The following KLF12 variants were observed in gnomAD, a reference collection of about 807,000 sequenced individuals.
KLF12 encodes the protein Krueppel-like factor 12.
In KLF12, 9 loss-of-function variants were observed where a neutral mutation model predicts 37.8. The ratio of observed to expected loss-of-function variants is 0.24; its 90% CI spans 0.14 to 0.42. The LOEUF (loss-of-function observed/expected upper bound fraction) is 0.42, where lower values mean the gene tolerates loss of function less well. Among genes scored for constraint, KLF12 ranks in the 10% least tolerant of loss-of-function variants. The pLI, the probability that KLF12 is intolerant of heterozygous loss-of-function variation, is 1.00. For missense variants in KLF12, 411 were observed against 516.0 expected (o/e 0.80, Z 1.97); for synonymous variants, 208 against 202.1 (o/e 1.03, Z -0.25).
At chr13:73,932,524 G>C (rs908692009) in intron 3 of KLF12, among the ~76,000 whole-genome samples, 5 of 152,012 alleles carry the variant, frequency 3.3e-5, no homozygotes, top group Non-Finnish European at 7.4e-5. Flanking sequence ...TTGTTACATT[G>C]GTTTCTCAAA....
At chr13:74,088,045 G>A (rs1875420083) in intron 1 of KLF12, among the ~76,000 whole-genome samples, 1 of 151,756 alleles carries the variant, frequency 6.6e-6, no homozygotes, top group African/African-American at 2.4e-5. Flanking sequence ...AGGAGGGAGT[G>A]GTATCCTACA....
At chr13:74,298,692 C>T in the KLF12 span, among the ~76,000 whole-genome samples, 1 of 151,900 alleles carries the variant, frequency 6.6e-6, no homozygotes, top group Non-Finnish European at 1.5e-5. Flanking sequence ...AAATTTAGAG[C>T]ACTATAAAAA....
the KLF12 span, among the ~76,000 whole-genome samples, chr13:74,155,663 T>C: frequency 2.6e-5 from 4 of 152,126 alleles, no homozygotes; most frequent in Non-Finnish European, 5.9e-5. Context: ...ACGCCCAGCC[T>C]GTAGCTCCTA....
intron 1 of KLF12, among the ~76,000 whole-genome samples, chr13:74,078,577 G>A (rs984097209): frequency 5.9e-5 from 9 of 152,146 alleles, no homozygotes; most frequent in African/African-American, 2.2e-4. Context: ...ATAATTGTGT[G>A]ATGATATAGA....
the KLF12 span, among the ~76,000 whole-genome samples, chr13:74,239,355 T>C: frequency 1.4e-5 from 2 of 140,840 alleles, no homozygotes; most frequent in African/African-American, 2.7e-5. Flanking sequence ...AGAGCTTTAC[T>C]TCCCAGTATG....
At chr13:73,730,342 A>T (rs942070189) in intron 6 of KLF12, among the ~76,000 whole-genome samples, 1 of 152,212 alleles carries the variant, frequency 6.6e-6, no homozygotes, top group South Asian at 2.1e-4. Context: ...TGGCAAAAGT[A>T]TAACAGCTTT....
At chr13:73,737,353 C>T (rs1051684780) in intron 6 of KLF12, among the ~76,000 whole-genome samples, 3 of 152,118 alleles carry the variant, frequency 2.0e-5, no homozygotes, top group Non-Finnish European at 4.4e-5. Flanking sequence ...TACTAAGAGG[C>T]CTTTTCTCAA....
the KLF12 span, among the ~76,000 whole-genome samples, chr13:74,280,539 G>T: frequency 6.6e-6 from 1 of 152,216 alleles, no homozygotes; most frequent in African/African-American, 2.4e-5. Flanking sequence ...AACTTTGTCA[G>T]TAGTCAGGGA....
At chr13:73,950,078 A>G (rs1008911708) in intron 2 of KLF12, among the ~76,000 whole-genome samples, 2 of 152,242 alleles carry the variant, frequency 1.3e-5, no homozygotes, top group African/African-American at 4.8e-5. Flanking sequence ...AAAGACTGGT[A>G]AAACTGTCTA....
intron 6 of KLF12, among the ~76,000 whole-genome samples, chr13:73,730,380 A>G (rs958771491): frequency 2.6e-5 from 4 of 152,136 alleles, no homozygotes; most frequent in African/African-American, 9.7e-5. Flanking sequence ...GTGGCAGGTT[A>G]TATCCAGGTC....
chr13:73,752,688 C>G (rs1285858825), intron 6 of KLF12, among the ~76,000 whole-genome samples: 2 of 151,214 alleles, frequency 1.3e-5, no homozygotes, highest in Non-Finnish European at 2.9e-5. Flanking sequence ...CAGCCACAGC[C>G]TTGGCTTCCT....
the KLF12 span, among the ~76,000 whole-genome samples, chr13:74,176,893 A>G: frequency 6.6e-6 from 1 of 152,188 alleles, no homozygotes; most frequent in East Asian, 1.9e-4. Flanking sequence ...TAGGTGCTTA[A>G]TAAATATTGA....
At chr13:74,084,200 A>C (rs1386300721) in intron 1 of KLF12, among the ~76,000 whole-genome samples, 1 of 152,190 alleles carries the variant, frequency 6.6e-6, no homozygotes, top group Non-Finnish European at 1.5e-5. Flanking sequence ...TTTTCTGATC[A>C]ATGATAAAAG....
In KLF12 at chr13:73,691,030, T is replaced by C. The variant is rs979287210; in HGVS notation, c.*4460A>G. The C allele has an allele frequency of 6.6e-6, 1 of 152,660 alleles. No individual in the cohort carries two copies. The highest frequency in any genetic ancestry group is 1.5e-5 in the Non-Finnish European group (1 of 68,040). 9.5% of individuals were successfully genotyped at this position (152,660 alleles called of 1,614,324 possible). A position where few individuals can be genotyped will look rare whatever the true frequency, so the allele number is the denominator to read the frequency against. On this transcript the variant is annotated 3_prime_UTR_variant, in exon 8 of 8. Transcript: ENST00000377669. ...GCAATTTTTATGTACATTTCTTAACTATAAAATGCAGGCAGAGTCATATAT... is the reference window on the plus strand; with the variant it reads ...GCAATTTTTATGTACATTTCTTAACCATAAAATGCAGGCAGAGTCATATAT...
upstream of KLF12, among the ~76,000 whole-genome samples, chr13:74,137,076 A>G (rs539317933): frequency 6.6e-6 from 1 of 152,318 alleles, no homozygotes; most frequent in Admixed American, 6.5e-5. Flanking sequence ...TTCTATCTCC[A>G]TATAGAATTT....
At chr13:73,732,279 G>A (rs6562781) in intron 6 of KLF12, among the ~76,000 whole-genome samples, 109,725 of 151,388 alleles carry the variant, frequency 0.72, 39,792 homozygotes, top group Middle Eastern at 0.82. Context: ...TAGTAGAGAC[G>A]GGGTTTCACC....
chr13:74,028,670 C>A (rs1201947802), intron 1 of KLF12, among the ~76,000 whole-genome samples: 1 of 151,838 alleles, frequency 6.6e-6, no homozygotes, highest in Non-Finnish European at 1.5e-5. Flanking sequence ...ATATAAGAAA[C>A]ATGGCTCTTA....
chr13:73,874,690 C>T (rs963390589), intron 3 of KLF12, among the ~76,000 whole-genome samples: 1 of 152,102 alleles, frequency 6.6e-6, no homozygotes, highest in African/African-American at 2.4e-5. Flanking sequence ...AGATGGCTTA[C>T]CTTGAGTGAA....
intron 1 of KLF12, among the ~76,000 whole-genome samples, chr13:74,116,926 G>A (rs577733902): frequency 5.3e-5 from 8 of 152,124 alleles, no homozygotes; most frequent in East Asian, 3.9e-4. Context: ...AAGAGCAAAC[G>A]TAAGAAAAAT....
Sources: gnomAD v4.1 joint callset for allele counts (sites outside exome capture counted in the v4.1 genomes callset) on GRCh38, gnomAD v4.1.1 for gene constraint, MANE v1.5 for transcripts, NCBI Gene and HGNC (gene_info 2026-07-23, HGNC 2026-07-21) for gene names.